The following JCAD variants were observed in gnomAD, a reference collection of about 807,000 sequenced individuals.
The protein encoded by JCAD is junctional cadherin 5-associated protein.
In JCAD, 40 loss-of-function variants were observed where a neutral mutation model predicts 98.0. The ratio of observed to expected loss-of-function variants is 0.41; its 90% CI spans 0.32 to 0.53. The LOEUF is 0.53. JCAD is among the 20% of genes least tolerant of loss of function. JCAD has a pLI of 0.31. For missense variants in JCAD, 1,705 were observed against 1,738.1 expected (o/e 0.98, Z 0.34); for synonymous variants, 691 against 682.3 (o/e 1.01, Z -0.20).
At position 30,069,041 on chromosome 10, in the gene JCAD, G is replaced by C. The variant is rs576783716; in HGVS notation, n.250+659C>G. 5.9e-5 allele frequency among the ~76,000 whole-genome samples: 9 copies of C among 152,334 alleles called. No individual in the cohort carries two copies. The South Asian group carries it at 1.9e-3, about 32-fold the overall frequency. On this transcript the variant is annotated intron_variant and non_coding_transcript_variant, in intron 2 of 2. Transcript: ENST00000465712. ...GTAACTTTAATCTTTGCTTTCAATA[G>C]CATTGGCCTCTCAGATGTCACTTAG...
intron 1 of JCAD, among the ~76,000 whole-genome samples, chr10:30,094,794 C>T (rs1372675278): frequency 6.6e-6 from 1 of 152,184 alleles, no homozygotes; most frequent in African/African-American, 2.4e-5. Context: ...CACCTGTTCC[C>T]AGTCATTTTC....
Position 30,075,878 on chromosome 10 carries a change from C to T in JCAD, n.129-6057G>A, listed in dbSNP as rs1240921161. Among the ~76,000 whole-genome samples, 5 of 152,210 alleles carry T rather than the reference C, an allele frequency of 3.3e-5. No individual in the cohort carries two copies. The South Asian group carries it at 6.2e-4, about 19-fold the overall frequency. On this transcript the variant is annotated intron_variant and non_coding_transcript_variant, in intron 1 of 2. Coordinates refer to the JCAD transcript ENST00000465712. Reference sequence around the variant, plus strand: ...TTGGGTCTACTCCGTTTGCTTGACACGGCTGTATCCTCACTGTATTATAGC... The same window carrying T: ...TTGGGTCTACTCCGTTTGCTTGACATGGCTGTATCCTCACTGTATTATAGC...
intron 1 of JCAD, among the ~76,000 whole-genome samples, chr10:30,073,061 T>C (rs1329723594): frequency 6.6e-6 from 1 of 152,156 alleles, no homozygotes; most frequent in African/African-American, 2.4e-5. Flanking sequence ...GTAGATCTCA[T>C]GAACTACAAA....
At chr10:30,082,671 G>A (rs1432498286) in intron 1 of JCAD, among the ~76,000 whole-genome samples, 1 of 151,848 alleles carries the variant, frequency 6.6e-6, no homozygotes, top group Non-Finnish European at 1.5e-5. Context: ...GACCAACATG[G>A]AGAAACCCCA....
intron 1 of JCAD, among the ~76,000 whole-genome samples, chr10:30,085,701 T>A (rs916328160): frequency 6.6e-6 from 1 of 152,170 alleles, no homozygotes; most frequent in Non-Finnish European, 1.5e-5. Flanking sequence ...AGGTTGAGCC[T>A]AAAAAAGTGG....
At chr10:30,110,192 T>C (rs74132247) in intron 1 of JCAD, among the ~76,000 whole-genome samples, 3 of 146,326 alleles carry the variant, frequency 2.1e-5, no homozygotes, top group Non-Finnish European at 3.0e-5. Context: ...TGTATGGACC[T>C]GCTGATGTAT....
chr10:30,072,489 T>C (rs1837910714), intron 1 of JCAD, among the ~76,000 whole-genome samples: 1 of 152,204 alleles, frequency 6.6e-6, no homozygotes, highest in South Asian at 2.1e-4. Flanking sequence ...AGACATCTGA[T>C]GACAACGGTT....
chr10:30,103,951 GGA>G (rs1212907628), intron 1 of JCAD, among the ~76,000 whole-genome samples: 2 of 151,994 alleles, frequency 1.3e-5, no homozygotes, highest in African/African-American at 2.4e-5. Context: ...CAGTTCAATG[GGA>G]GAGTGGTAAG....
At chr10:30,046,321 T>TA (rs1449435634) in intron 2 of JCAD, among the ~76,000 whole-genome samples, 1 of 152,142 alleles carries the variant, frequency 6.6e-6, no homozygotes, top group East Asian at 1.9e-4. Context: ...TCTCCTTTTT[T>TA]ACCATCCTGT....
chr10:30,102,914 A>G (rs2132710102), intron 1 of JCAD, among the ~76,000 whole-genome samples: 1 of 152,168 alleles, frequency 6.6e-6, no homozygotes, highest in South Asian at 2.1e-4. Flanking sequence ...CCTTTATGAA[A>G]CCATCAGACC....
chr10:30,058,982 G>C (rs1019290278), intron 1 of JCAD, among the ~76,000 whole-genome samples: 2 of 152,206 alleles, frequency 1.3e-5, no homozygotes, highest in African/African-American at 4.8e-5. Flanking sequence ...GGCAGCGTGG[G>C]AACTGGGACC....
intron 2 of JCAD, among the ~76,000 whole-genome samples, chr10:30,037,976 C>A (rs910562513): frequency 1.8e-4 from 27 of 148,620 alleles, no homozygotes; most frequent in Admixed American, 1.8e-3. Context: ...ATTGCCACTA[C>A]AGTGCCAACC....
intron 2 of JCAD, among the ~76,000 whole-genome samples, chr10:30,066,892 G>T (rs1036065552): frequency 2.0e-5 from 3 of 152,080 alleles, no homozygotes; most frequent in Admixed American, 6.5e-5. Flanking sequence ...AGCTACTCAG[G>T]AGGTTGAGGT....
At chr10:30,075,395 C>T (rs1012084750) in intron 1 of JCAD, among the ~76,000 whole-genome samples, 15 of 152,128 alleles carry the variant, frequency 9.9e-5, no homozygotes, top group Admixed American at 6.5e-4. Flanking sequence ...TCATTAAACC[C>T]GTAGGTCTGG....
rs1006183439 is a variant in JCAD, at chr10:30,014,846, G to C, written c.*3037C>G. 1 of 152,126 alleles carries C rather than the reference G, an allele frequency of 6.6e-6. No individual in the cohort carries two copies. The highest frequency in any genetic ancestry group is 2.4e-5 in the African/African-American group (1 of 41,416). The allele number at this position is 152,126 out of a possible 1,614,324, so 9.4% of individuals were successfully genotyped here. The stretch of plus-strand genomic sequence containing the variant: ...TAGAATTTCCACGTGAATGAAACCC[G>C]CAACCTACAACTCTGCTAAGGAAAC... On this transcript the variant is annotated 3_prime_UTR_variant, in exon 4 of 4. Coordinates refer to ENST00000375377, the MANE Select transcript of JCAD (RefSeq NM_020848.4).
chr10:30,023,639 T>C (rs1162653402), intron 3 of JCAD, among the ~76,000 whole-genome samples: 1 of 152,164 alleles, frequency 6.6e-6, no homozygotes. Context: ...GCTCTCTGCC[T>C]GCAGATTTTT....
intron 1 of JCAD, among the ~76,000 whole-genome samples, chr10:30,110,086 T>C (rs1838662218): frequency 6.6e-6 from 1 of 152,068 alleles, no homozygotes; most frequent in South Asian, 2.1e-4. Flanking sequence ...AACCCATGGA[T>C]GTATGGACTC....
At position 30,027,964 on chromosome 10, in the gene JCAD, G is replaced by T; in HGVS notation, c.2184C>A (p.Ser728=). Residue 728 remains serine (S), a synonymous_variant, in exon 3 of 4, where the codon TCC becomes TCA. Transcript: ENST00000375377. ...LSPKCSDPAA[S]EAQTHTAFPT... is the part of the protein sequence containing the mutation. ...GGAATGCTGTGTGCGTCTGAGCTTC[G>T]GAGGCAGCAGGGTCTGAACATTTTG... 2 of 1,614,228 alleles carry T rather than the reference G, an allele frequency of 1.2e-6. No individual in the cohort carries two copies. Among genetic ancestry groups the T allele is most frequent in the Non-Finnish European group, 1.7e-6 (2 of 1,180,040 alleles).
chr10:30,050,623 A>T (rs538264731), intron 1 of JCAD, among the ~76,000 whole-genome samples: 1 of 152,224 alleles, frequency 6.6e-6, no homozygotes, highest in Non-Finnish European at 1.5e-5. Flanking sequence ...GGCAGAGAAG[A>T]CATAACCCTC....
Sources: gnomAD v4.1 joint callset for allele counts (sites outside exome capture counted in the v4.1 genomes callset) on GRCh38, gnomAD v4.1.1 for gene constraint, MANE v1.5 for transcripts, NCBI Gene and HGNC (gene_info 2026-07-23, HGNC 2026-07-21) for gene names.